FOXP1: variants seen among roughly 807,000 people sequenced by gnomAD.
The protein encoded by FOXP1 is forkhead box P1.
FOXP1 carries 15 observed loss-of-function variants against 98.2 expected under a neutral mutation model. The ratio of observed to expected loss-of-function variants is 0.15; its 90% CI spans 0.10 to 0.24. The LOEUF (loss-of-function observed/expected upper bound fraction) is 0.24, where lower values mean the gene tolerates loss of function less well. Among genes scored for constraint, FOXP1 ranks in the 10% least tolerant of loss-of-function variants. FOXP1 has a pLI of 1.00. For missense variants in FOXP1, 633 were observed against 848.5 expected, an observed-to-expected ratio of 0.75 and a Z score of 3.15; for synonymous variants, 371 against 314.5, an observed-to-expected ratio of 1.18 and a Z score of -1.90.
At chr3:71,448,303 G>T (rs576352606) in intron 3 of FOXP1, among the ~76,000 whole-genome samples, 1 of 152,256 alleles carries the variant, frequency 6.6e-6, no homozygotes, top group East Asian at 1.9e-4. Flanking sequence ...GCTCCATTAA[G>T]TCTGCGAAAA....
Position 70,958,182 on chromosome 3 carries a change from A to C in FOXP1, c.*1065T>G, listed in dbSNP as rs1240040884. On this transcript the variant is annotated 3_prime_UTR_variant, in exon 21 of 21. Coordinates refer to ENST00000649528, the MANE Select transcript of FOXP1 (RefSeq NM_001349338.3). ...GTGCTGGTAGAATGTGGTGGCATTT[A>C]TTAATGGTTGCTGCAAAAAAAAAAA... The C allele has an allele frequency of 1.3e-5, 5 of 394,182 alleles. No homozygotes were observed. The highest frequency in any genetic ancestry group is 1.9e-5 in the Non-Finnish European group (4 of 207,932). 24.4% of individuals were successfully genotyped at this position (394,182 alleles called of 1,614,324 possible). A position where few individuals can be genotyped will look rare whatever the true frequency, so the allele number is the denominator to read the frequency against.
chr3:71,008,989 G>C (rs1212833930), intron 12 of FOXP1, among the ~76,000 whole-genome samples: 2 of 151,872 alleles, frequency 1.3e-5, no homozygotes, highest in African/African-American at 2.4e-5. Flanking sequence ...ACCAAGCTTG[G>C]CCTCTGTAAC....
Position 71,580,787 on chromosome 3 carries a change from C to G in FOXP1, c.-298+762G>C. The G allele has an allele frequency of 6.1e-6, 6 of 985,296 alleles. No individual in the cohort carries two copies. In the South Asian group the frequency reaches 1.4e-4, roughly 23 times the overall value. The allele number at this position is 985,296 out of a possible 1,614,324, so 61.0% of individuals were successfully genotyped here. A position where few individuals can be genotyped will look rare whatever the true frequency, so the allele number is the denominator to read the frequency against. ...GAGGTCTTCTCAACTCAGCTATTGT[C>G]CAAGCCCTAAACCCTTAAGTCTACG... On this transcript the variant is annotated intron_variant, in intron 2 of 20. Coordinates refer to ENST00000649528, the MANE Select transcript of FOXP1 (RefSeq NM_001349338.3).
intron 11 of FOXP1, among the ~76,000 whole-genome samples, chr3:71,028,994 A>C (rs1170717796): frequency 6.6e-6 from 1 of 152,210 alleles, no homozygotes; most frequent in Non-Finnish European, 1.5e-5. Context: ...GAGCGGCTGT[A>C]AATACAGATG....
At chr3:71,154,096 C>CTTCTTCTTCT (rs1553761196) in intron 6 of FOXP1, among the ~76,000 whole-genome samples, 2 of 150,018 alleles carry the variant, frequency 1.3e-5, no homozygotes, top group Admixed American at 6.6e-5. Context: ...TCTTCTTCTT[C>CTTCTTCTTCT]TTTTTTTTTG....
At chr3:71,571,956 G>A (rs558776898) in intron 2 of FOXP1, 1 of 152,092 alleles carries the variant, frequency 6.6e-6, no homozygotes, top group African/African-American at 2.4e-5. Context: ...TTTCATCTAA[G>A]TATATCTTTA....
intron 6 of FOXP1, among the ~76,000 whole-genome samples, chr3:71,128,989 G>C (rs567098120): frequency 6.6e-6 from 1 of 152,116 alleles, no homozygotes; most frequent in African/African-American, 2.4e-5. Flanking sequence ...TTTCGGAGTG[G>C]AAAACAAAAC....
chr3:70,982,742 TCC>T (rs2039077338), intron 14 of FOXP1, among the ~76,000 whole-genome samples: 2 of 152,060 alleles, frequency 1.3e-5, no homozygotes, highest in South Asian at 4.2e-4. Context: ...AACAGTAATC[TCC>T]CCTCCTGTTT....
At chr3:71,007,118 AT>A (rs1013863767) in intron 12 of FOXP1, among the ~76,000 whole-genome samples, 2 of 152,014 alleles carry the variant, frequency 1.3e-5, no homozygotes, top group Admixed American at 6.6e-5. Flanking sequence ...GGGGGAAAAA[AT>A]TTTTTTTGGT....
At chr3:71,222,085 G>A (rs1277584958) in intron 5 of FOXP1, among the ~76,000 whole-genome samples, 4 of 152,140 alleles carry the variant, frequency 2.6e-5, no homozygotes, top group African/African-American at 4.8e-5. Context: ...CCCGGGAGGT[G>A]AAGGTTGCAG....
Position 71,185,564 on chromosome 3 carries a change from G to A in FOXP1, c.180+12638C>T, listed in dbSNP as rs193192553. Among the ~76,000 whole-genome samples, 70 of 152,182 alleles carry A rather than the reference G, an allele frequency of 4.6e-4. 1 individual carries two copies. The highest frequency in any genetic ancestry group is 1.6e-3 in the African/African-American group (66 of 41,504). On this transcript the variant is annotated intron_variant, in intron 6 of 20. Coordinates refer to ENST00000649528, the MANE Select transcript of FOXP1 (RefSeq NM_001349338.3). Reference sequence around the variant, plus strand: ...AGCCCACATCTAATCTCTGGAAATCGTACAATCAACTTTGCACCTGGGTAG... The same window carrying A: ...AGCCCACATCTAATCTCTGGAAATCATACAATCAACTTTGCACCTGGGTAG...
At chr3:71,103,481 T>C (rs2057152916) in intron 7 of FOXP1, among the ~76,000 whole-genome samples, 1 of 152,196 alleles carries the variant, frequency 6.6e-6, no homozygotes, top group Non-Finnish European at 1.5e-5. Context: ...TGTTGTGTGG[T>C]CAGCTGGCTT....
chr3:71,345,436 A>G lies in FOXP1; in HGVS notation c.-73+13714T>C, dbSNP rs1027427940. Among the ~76,000 whole-genome samples the G allele has an allele frequency of 8.4e-4, 127 of 151,572 alleles. 1 individual carries two copies. Among genetic ancestry groups the G allele is most frequent in the Non-Finnish European group, 8.8e-5 (6 of 67,878 alleles). ...CACACACACACACACACACACACAC[A>G]CACACACATATATATACCAAAAAGA... On this transcript the variant is annotated intron_variant, in intron 4 of 20. Coordinates refer to ENST00000649528, the MANE Select transcript of FOXP1 (RefSeq NM_001349338.3).
At chr3:71,485,267 C>T (rs1182180840) in intron 3 of FOXP1, among the ~76,000 whole-genome samples, 4 of 152,104 alleles carry the variant, frequency 2.6e-5, no homozygotes, top group Non-Finnish European at 5.9e-5. Context: ...CCCTTTTATA[C>T]AATAAAAGTG....
At chr3:71,189,529 A>G (rs894715307) in intron 6 of FOXP1, among the ~76,000 whole-genome samples, 2 of 152,218 alleles carry the variant, frequency 1.3e-5, no homozygotes, top group African/African-American at 4.8e-5. Context: ...ATCCTTTATT[A>G]TAAGTTCTTA....
intron 6 of FOXP1, among the ~76,000 whole-genome samples, chr3:71,173,298 T>G (rs894847350): frequency 6.6e-6 from 1 of 151,674 alleles, no homozygotes; most frequent in African/African-American, 2.4e-5. Flanking sequence ...TCTCTTCTCC[T>G]CACCATCACT....
At chr3:71,207,081 G>C (rs142946694) in intron 5 of FOXP1, among the ~76,000 whole-genome samples, 1 of 152,260 alleles carries the variant, frequency 6.6e-6, no homozygotes, top group East Asian at 1.9e-4. Flanking sequence ...GATGGGGCCA[G>C]GTGTTCTGGG....
chr3:71,266,173 G>A (rs2069637151), intron 5 of FOXP1, among the ~76,000 whole-genome samples: 1 of 152,144 alleles, frequency 6.6e-6, no homozygotes, highest in African/African-American at 2.4e-5. Context: ...CTTGAGGCAA[G>A]GTGAGAAAGC....
At chr3:71,452,136 G>A (rs568932390) in intron 3 of FOXP1, among the ~76,000 whole-genome samples, 33 of 152,054 alleles carry the variant, frequency 2.2e-4, no homozygotes, top group African/African-American at 8.0e-4. Flanking sequence ...AATCACTCTC[G>A]GAGCCCCCAA....
Sources: gnomAD v4.1 joint callset for allele counts (sites outside exome capture counted in the v4.1 genomes callset) on GRCh38, gnomAD v4.1.1 for gene constraint, MANE v1.5 for transcripts, NCBI Gene and HGNC (gene_info 2026-07-23, HGNC 2026-07-21) for gene names.